The following RSL1D1 variants were observed in gnomAD, a reference collection of about 807,000 sequenced individuals.
RSL1D1 encodes ribosomal L1 domain containing 1.
A neutral mutation model predicts 44.6 loss-of-function variants in RSL1D1; 34 were observed. That is an observed-to-expected ratio of 0.76 (90% CI 0.58 to 1.02). RSL1D1 has a LOEUF of 1.02. Ranked by LOEUF, RSL1D1 falls within the 50% of genes least tolerant of loss-of-function variation. RSL1D1 has a pLI of 0.00. For missense variants in RSL1D1, 767 were observed against 568.1 expected (o/e 1.35, Z -3.56); for synonymous variants, 271 against 207.4 (o/e 1.31, Z -2.63).
At position 11,839,391 on chromosome 16, in the gene RSL1D1, A is replaced by G. The variant is rs540295971; in HGVS notation, c.1146+304T>C. On this transcript the variant is annotated intron_variant, in intron 8 of 8. Coordinates refer to ENST00000571133, the MANE Select transcript of RSL1D1 (RefSeq NM_015659.3). ...CAAAAAAAAGCAAAGCAAAAAAAAA[A>G]AAAAAAGCCAACCGGTTGGGACTAG... 1.1e-4 allele frequency among the ~76,000 whole-genome samples: 16 copies of G among 151,248 alleles called. 1 individual carries two copies.
intron 5 of RSL1D1, among the ~76,000 whole-genome samples, chr16:11,845,529 C>A (rs752087338): frequency 3.3e-5 from 5 of 152,140 alleles, no homozygotes; most frequent in Non-Finnish European, 7.4e-5. Flanking sequence ...CCGTCCAATG[C>A]AGTGACCATC....
At chr16:11,845,182 G>A (rs2053789059) in intron 5 of RSL1D1, among the ~76,000 whole-genome samples, 1 of 152,222 alleles carries the variant, frequency 6.6e-6, no homozygotes, top group African/African-American at 2.4e-5. Flanking sequence ...GCCAGGTGTG[G>A]TGGGTCACGC....
chr16:11,839,888 T>G lies in RSL1D1; in HGVS notation c.953A>C (p.Lys318Thr). Residue 318 changes from lysine (K) to threonine (T), a missense_variant, in exon 8 of 9, where the codon AAA becomes ACA. Coordinates refer to ENST00000571133, the MANE Select transcript of RSL1D1 (RefSeq NM_015659.3). ...QARKTASVLS[K>T]DDVAPESGDT... is the part of the protein sequence containing the mutation. ...ACCACTTTCAGGTGCCACATCATCT[T>G]TACTAAGAACTGATGCAGTCTTCCT... 1 of 1,614,182 alleles carries G rather than the reference T, an allele frequency of 6.2e-7. No homozygotes were observed. The highest frequency in any genetic ancestry group is 1.3e-5 in the African/African-American group (1 of 75,050).
Position 11,841,729 on chromosome 16 carries a change from G to A in RSL1D1, c.821C>T (p.Ala274Val). Reference protein sequence around the residue: ...FSSFVSNWDEATKRSLLNKKK... With the variant: ...FSSFVSNWDEVTKRSLLNKKK... ...CTTATTAAGCAAAGATCTTTTGGTG[G>A]CTTCATCCCAATTGCTGACAAACGA... Residue 274 changes from alanine to valine, a missense_variant, in exon 7 of 9, where the codon GCC (alanine) becomes GTC (valine). Coordinates refer to ENST00000571133, the MANE Select transcript of RSL1D1 (RefSeq NM_015659.3). 1 of 1,613,480 alleles carries A rather than the reference G, an allele frequency of 6.2e-7. No individual in the cohort carries two copies. The highest frequency in any genetic ancestry group is 2.2e-5 in the East Asian group (1 of 44,870).
Position 11,846,829 on chromosome 16 carries a change from T to A in RSL1D1, c.399A>T (p.Gln133His), listed in dbSNP as rs1405776973. ...AGGATTTATATTCCTTCTTTAGAGT[T>A]TGGAGGGAGATAATCTAGGAAGTAT... is the stretch of plus-strand genomic sequence containing the variant. Reference protein sequence around the residue: ...IKTVSQIISLQTLKKEYKSYE... With the variant: ...IKTVSQIISLHTLKKEYKSYE... The change falls in exon 4 of 9, where the codon CAA (glutamine) becomes CAT (histidine). Residue 133 changes from glutamine (Q) to histidine (H), a missense_variant. Coordinates refer to ENST00000571133, the MANE Select transcript of RSL1D1 (RefSeq NM_015659.3). 2 of 1,609,636 alleles carry A rather than the reference T, an allele frequency of 1.2e-6. No homozygotes were observed. The highest frequency in any genetic ancestry group is 2.2e-5 in the South Asian group (2 of 90,968).
In RSL1D1 at chr16:11,850,407, T is replaced by C; in HGVS notation, c.117A>G (p.Ala39=). 6.3e-7 allele frequency: 1 copy of C among 1,594,752 alleles called. No homozygotes were observed. The highest frequency in any genetic ancestry group is 8.5e-7 in the Non-Finnish European group (1 of 1,175,236). ...KQLDKEQVRK[A]VDALLTHCKS... is the part of the protein sequence containing the mutation. ...TGCAATGCGTCAAGAGAGCGTCCAC[T>C]GCCTTTCTAACCTGCAAAGTGGAAA... The change falls in exon 2 of 9, where the codon GCA becomes GCG. Residue 39 remains alanine (A), a synonymous_variant. Coordinates refer to ENST00000571133, the MANE Select transcript of RSL1D1 (RefSeq NM_015659.3).
chr16:11,841,874 G>C (rs757375384), intron 6 of RSL1D1, 33 bp downstream of exon 6: 2 of 1,611,348 alleles, frequency 1.2e-6, no homozygotes, highest in Non-Finnish European at 1.7e-6. Context: ...TCTTTTAAAT[G>C]AACAATCAAT....
In RSL1D1 at chr16:11,846,852, T is replaced by C. The variant is rs776667466; in HGVS notation, c.385-9A>G. 1.0e-5 allele frequency: 16 copies of C among 1,585,426 alleles called. 1 individual carries two copies. In the South Asian group the frequency reaches 1.0e-4, roughly 10 times the overall value. ...GTTTGGAGGGAGATAATCTAGGAAGTATAGAGAAGAATAAAAACAAGAAGT... is the reference window on the plus strand; with the variant it reads ...GTTTGGAGGGAGATAATCTAGGAAGCATAGAGAAGAATAAAAACAAGAAGT... On this transcript the variant is annotated splice_polypyrimidine_tract_variant and intron_variant, in intron 3 of 8. Coordinates refer to ENST00000571133, the MANE Select transcript of RSL1D1 (RefSeq NM_015659.3).
Position 11,847,787 on chromosome 16 carries a change from G to A in RSL1D1, c.265C>T (p.Arg89Ter), listed in dbSNP as rs371152221. ...AAACAGATATCTTCTGAATCTGATC[G>A]AATACTATGAGGCAAGGTCCTACAA... ...RVRLTLPHSI[R>*]SDSEDICLFT... is the part of the protein sequence containing the mutation. Residue 89 changes from arginine to a stop codon, truncating the protein, a stop_gained, in exon 3 of 9, where the codon CGA (arginine) becomes TGA (stop). Transcript: ENST00000571133. LOFTEE classifies it high-confidence loss of function. The A allele has an allele frequency of 2.5e-6, 4 of 1,613,122 alleles. No homozygotes were observed. The highest frequency in any genetic ancestry group is 1.1e-5 in the South Asian group (1 of 90,910).
At position 11,838,115 on chromosome 16, in the gene RSL1D1, T is replaced by C. The variant is rs200841970; in HGVS notation, c.1147-2A>G. 1 of 1,552,462 alleles carries C rather than the reference T, an allele frequency of 6.4e-7. No homozygotes were observed. The highest frequency in any genetic ancestry group is 8.7e-7 in the Non-Finnish European group (1 of 1,155,426). On this transcript the variant is annotated splice_acceptor_variant, in intron 8 of 8. Transcript: ENST00000571133. LOFTEE classifies it high-confidence loss of function. ...CTTTCCTGTGGCATGTTTTTGAATC[T>C]AAGAAAAAAAAAAGTAAGTTTAATA...
chr16:11,839,629 C>G, intron 8 of RSL1D1, 66 bp downstream of exon 8: 1 of 1,577,614 alleles, frequency 6.3e-7, no homozygotes, highest in Non-Finnish European at 8.6e-7. Context: ...TTGCTCAGCA[C>G]AGTACCTGCC....
Position 11,841,979 on chromosome 16 carries a change from A to C in RSL1D1, c.657T>G (p.Val219=), listed in dbSNP as rs764732404. 1.9e-6 allele frequency: 3 copies of C among 1,613,640 alleles called. No individual in the cohort carries two copies. The South Asian group carries it at 3.3e-5, about 18-fold the overall frequency. Residue 219 remains valine (V), a synonymous_variant, in exon 6 of 9, where the codon GTT becomes GTG. Transcript: ENST00000571133. ...CAATGATGTGCTCAATTTGCATTCC[A>C]ACGTGACCAATACGTATAGCACTGA... The part of the protein sequence containing the change: ...GSCSAIRIGH[V]GMQIEHIIEN...
intron 2 of RSL1D1, among the ~76,000 whole-genome samples, chr16:11,849,761 T>C (rs1483533862): frequency 1.3e-5 from 2 of 152,244 alleles, no homozygotes; most frequent in African/African-American, 4.8e-5. Flanking sequence ...ACAGACCTGA[T>C]TACGTTAGCT....
At chr16:11,847,565 A>G (rs2053807698) in intron 3 of RSL1D1, 103 bp downstream of exon 3, 3 of 1,007,018 alleles carry the variant, frequency 3.0e-6, no homozygotes, top group Non-Finnish European at 2.9e-6. Context: ...AAAAAGAGAA[A>G]AGTAGAAGAA....
chr16:11,850,521 C>T, intron 1 of RSL1D1, 103 bp from the exon 2 acceptor site: 1 of 1,207,214 alleles, frequency 8.3e-7, no homozygotes. Context: ...CCCTCCCACA[C>T]CTTCTATTTT....
At chr16:11,843,545 C>T (rs1184039024) in intron 5 of RSL1D1, among the ~76,000 whole-genome samples, 1 of 151,988 alleles carries the variant, frequency 6.6e-6, no homozygotes, top group Non-Finnish European at 1.5e-5. Context: ...TATAGTTCTA[C>T]TGCTCTACCC....
chr16:11,844,936 G>A (rs1464555834), intron 5 of RSL1D1, among the ~76,000 whole-genome samples: 1 of 152,208 alleles, frequency 6.6e-6, no homozygotes, highest in African/African-American at 2.4e-5. Context: ...CCTTTGCTCA[G>A]CCAGAGGTTG....
intron 2 of RSL1D1, among the ~76,000 whole-genome samples, chr16:11,848,097 T>TA (rs2053812039): frequency 6.6e-6 from 1 of 151,840 alleles, no homozygotes; most frequent in Non-Finnish European, 1.5e-5. Context: ...ACTAAAATTA[T>TA]AAAAAATTAG....
In RSL1D1 at chr16:11,850,322, C is replaced by T; in HGVS notation, c.202G>A (p.Val68Met). The T allele has an allele frequency of 2.5e-6, 4 of 1,595,470 alleles. No individual in the cohort carries two copies. Among genetic ancestry groups the T allele is most frequent in the Non-Finnish European group, 3.4e-6 (4 of 1,175,582 alleles). Reference protein sequence around the residue: ...LNENESLFLMVVLWKIPSKEL... With the variant: ...LNENESLFLMMVLWKIPSKEL... ...TTACTTGGAATTTTCCATAATACCACCATTAAAAATAAACTTTCATTCTCA... is the reference window on the plus strand; with the variant it reads ...TTACTTGGAATTTTCCATAATACCATCATTAAAAATAAACTTTCATTCTCA... The change falls in exon 2 of 9, where the codon GTG (valine) becomes ATG (methionine). Residue 68 changes from valine (V) to methionine (M), a missense_variant. Physicochemically the swap from Val to Met is conservative, Grantham distance 21 (BLOSUM62 1). Coordinates refer to ENST00000571133, the MANE Select transcript of RSL1D1 (RefSeq NM_015659.3).
Sources: gnomAD v4.1 joint callset for allele counts (sites outside exome capture counted in the v4.1 genomes callset) on GRCh38, gnomAD v4.1.1 for gene constraint, MANE v1.5 for transcripts, NCBI Gene and HGNC (gene_info 2026-07-23, HGNC 2026-07-21) for gene names.